Variants in NCF2 observed in about 807,000 individuals in gnomAD.
NCF2 encodes neutrophil cytosol factor 2.
A neutral mutation model predicts 70.9 loss-of-function variants in NCF2; 45 were observed. The observed-to-expected ratio is 0.63, with a 90% CI of 0.50 to 0.81. The LOEUF (loss-of-function observed/expected upper bound fraction) is 0.81. Among genes scored for constraint, NCF2 ranks in the 40% least tolerant of loss-of-function variants. The pLI is 0.00. For synonymous variants in NCF2, 203 were observed against 233.6 expected (o/e 0.87, Z 1.19); for missense variants, 522 against 631.6 (o/e 0.83, Z 1.86).
intron 2 of NCF2, among the ~76,000 whole-genome samples, chr1:183,578,567 T>C (rs796341683): frequency 2.0e-5 from 3 of 152,320 alleles, no homozygotes; most frequent in African/African-American, 7.2e-5. Flanking sequence ...GGTTTCACCA[T>C]GTTGGCCAGG....
At chr1:183,588,702 C>T (rs1208993745) in intron 1 of NCF2, among the ~76,000 whole-genome samples, 1 of 151,974 alleles carries the variant, frequency 6.6e-6, no homozygotes, top group African/African-American at 2.4e-5. Context: ...AATAAGAATG[C>T]ATATAAATGC....
chr1:183,570,402 T>C (rs1427402731), intron 6 of NCF2, among the ~76,000 whole-genome samples: 1 of 152,134 alleles, frequency 6.6e-6, no homozygotes, highest in African/African-American at 2.4e-5. Context: ...CCCCACAGGG[T>C]TCCCCACTTG....
At chr1:183,575,661 T>TA (rs1448766249) in intron 3 of NCF2, among the ~76,000 whole-genome samples, 1 of 152,194 alleles carries the variant, frequency 6.6e-6, no homozygotes, top group Non-Finnish European at 1.5e-5. Context: ...GGCTAGATTA[T>TA]AAAAGACATT....
At chr1:183,560,416 A>C (rs1283348513) in intron 13 of NCF2, 143 bp from the exon 14 acceptor site, 27 of 952,174 alleles carry the variant, frequency 2.8e-5, no homozygotes, top group Non-Finnish European at 3.3e-6. Flanking sequence ...TGTAGAGCTT[A>C]TATGCTCTTT....
rs1461752660 is a variant in NCF2, at chr1:183,566,956, T to C, written c.888A>G (p.Pro296=). 1.2e-6 allele frequency: 2 copies of C among 1,614,170 alleles called. No individual in the cohort carries two copies. The highest frequency in any genetic ancestry group is 2.2e-5 in the East Asian group (1 of 44,890). Residue 296 remains proline (P), a synonymous_variant, in exon 9 of 15, where the codon CCA becomes CCG. Transcript: ENST00000367535. ...KGLVPCNYLE[P]VELRIHPQQQ... ...GCTGAGGGTGGATCCGCAGCTCAAC[T>C]GGTTCAAGGTAGTTGCAGGGAACAA...
intron 13 of NCF2, among the ~76,000 whole-genome samples, chr1:183,561,248 T>C (rs2102877907): frequency 6.6e-6 from 1 of 152,388 alleles, no homozygotes; most frequent in Non-Finnish European, 1.5e-5. Flanking sequence ...GCTGCTAGGC[T>C]TGTATGTACC....
intron 2 of NCF2, among the ~76,000 whole-genome samples, chr1:183,584,846 C>A (rs1029606996): frequency 6.6e-6 from 1 of 151,906 alleles, no homozygotes; most frequent in Non-Finnish European, 1.5e-5. Flanking sequence ...TCATGTGTCC[C>A]ATAAATATAT....
At chr1:183,599,587 T>A in the NCF2 span, among the ~76,000 whole-genome samples, 2 of 151,314 alleles carry the variant, frequency 1.3e-5, no homozygotes, top group Non-Finnish European at 2.9e-5. Flanking sequence ...AGTCTCGCTG[T>A]GTCACCCAGG....
chr1:183,567,188 C>G lies in NCF2; in HGVS notation c.855+16G>C, dbSNP rs775224104. 4 of 1,614,066 alleles carry G rather than the reference C, an allele frequency of 2.5e-6. No individual in the cohort carries two copies. Among genetic ancestry groups the G allele is most frequent in the African/African-American group, 2.7e-5 (2 of 74,942 alleles). On this transcript the variant is annotated intron_variant, in intron 8 of 14. Coordinates refer to ENST00000367535, the MANE Select transcript of NCF2 (RefSeq NM_000433.4). ...GATCCCATGCCCATCGCACCAGCCC[C>G]TGATCCTCTGCATACCTGCCCGTTG...
upstream of NCF2, among the ~76,000 whole-genome samples, chr1:183,591,395 G>A (rs76489392): frequency 0.023 from 3,486 of 152,042 alleles, 129 homozygotes; most frequent in African/African-American, 0.08. Flanking sequence ...TAATATGTTA[G>A]TGTTTATCTT....
chr1:183,559,422 T>C (rs1486116294), intron 14 of NCF2, among the ~76,000 whole-genome samples: 1 of 152,210 alleles, frequency 6.6e-6, no homozygotes, highest in Non-Finnish European at 1.5e-5. Context: ...CTTTTCTCTT[T>C]GAAAAGTACA....
intron 9 of NCF2, 84 bp from the exon 10 acceptor site, chr1:183,565,863 A>G (rs1672278887): frequency 7.4e-7 from 1 of 1,352,038 alleles, no homozygotes; most frequent in Non-Finnish European, 1.1e-6. Context: ...CCCTACAGAG[A>G]CCCCATGTAA....
At chr1:183,597,281 G>T in the NCF2 span, among the ~76,000 whole-genome samples, 171 of 152,284 alleles carry the variant, frequency 1.1e-3, no homozygotes, top group African/African-American at 4.0e-3. Context: ...TCTTTAGGAA[G>T]ATTCCTGTCT....
chr1:183,557,924 G>T (rs1449960569), intron 14 of NCF2, among the ~76,000 whole-genome samples: 1 of 152,002 alleles, frequency 6.6e-6, no homozygotes, highest in Non-Finnish European at 1.5e-5. Context: ...GCCCAGACTG[G>T]GGTGCAAAGG....
chr1:183,564,072 A>G (rs183510217), intron 10 of NCF2, 42 bp from the exon 11 acceptor site: 11 of 1,586,420 alleles, frequency 6.9e-6, no homozygotes, highest in Non-Finnish European at 9.5e-6. Context: ...GAAGATGGTG[A>G]ATGAACATCC....
intron 11 of NCF2, 81 bp downstream of exon 11, chr1:183,563,924 T>G: frequency 6.8e-7 from 1 of 1,470,016 alleles, no homozygotes; most frequent in Non-Finnish European, 9.5e-7. Flanking sequence ...CTTCCTATAA[T>G]CCAGACAGAC....
At chr1:183,601,812 C>T in the NCF2 span, among the ~76,000 whole-genome samples, 58 of 148,124 alleles carry the variant, frequency 3.9e-4, no homozygotes, top group African/African-American at 1.5e-3. Context: ...GAGCCAGGAT[C>T]GTGCCATTGC....
At chr1:183,587,595 C>CAAAAAAAAAAAAAAAAAAAA (rs11287969) in intron 1 of NCF2, among the ~76,000 whole-genome samples, 1 of 41,856 alleles carries the variant, frequency 2.4e-5, no homozygotes. Context: ...CACCCTGTCT[C>CAAAAAAAAAAAAAAAAAAAA]AAAAAAAAAA....
chr1:183,555,970 T>TCTC lies in NCF2; in HGVS notation c.*147_*148insGAG. On this transcript the variant is annotated 3_prime_UTR_variant, in exon 15 of 15. Transcript: ENST00000367535. Reference sequence around the variant, plus strand: ...AAATCATCCTGGGTACTCACATCATTGTCTAGTAGGTTAAATTTTAACAGG... The same window carrying TCTC: ...AAATCATCCTGGGTACTCACATCATTCTCGTCTAGTAGGTTAAATTTTAACAGG... 1 of 731,386 alleles carries TCTC rather than the reference T, an allele frequency of 1.4e-6. No homozygotes were observed. The highest frequency in any genetic ancestry group is 2.4e-6 in the Non-Finnish European group (1 of 415,626). 45.3% of individuals were successfully genotyped at this position (731,386 alleles called of 1,614,324 possible).
Sources: allele counts gnomAD v4.1 joint callset (sites outside exome capture counted in the v4.1 genomes callset), GRCh38; gene constraint gnomAD v4.1.1; transcripts MANE v1.5; gene names NCBI Gene and HGNC (gene_info 2026-07-23, HGNC 2026-07-21).